SYN1: variants seen among roughly 807,000 people sequenced by gnomAD.
SYN1 encodes the protein synapsin-1.
SYN1 carries 8 observed loss-of-function variants against 44.6 expected under a neutral mutation model. The observed-to-expected ratio is 0.18, with a 90% CI of 0.11 to 0.32. The LOEUF is 0.32. SYN1 is among the 10% of genes least tolerant of loss of function. The pLI is 1.00. For missense variants in SYN1, 451 were observed against 639.4 expected (o/e 0.71, Z 3.18); for synonymous variants, 275 against 280.1 (o/e 0.98, Z 0.18).
In SYN1 at chrX:47,576,023, A is replaced by C. The variant is rs775307450; in HGVS notation, c.1158+108T>G. 3.6e-5 allele frequency: 29 copies of C among 802,991 alleles called. No homozygotes were observed. The Admixed American group carries it at 3.7e-4, about 10-fold the overall frequency. The allele number at this position is 802,991 out of a possible 1,213,427, so 66.2% of individuals were successfully genotyped here. A position where few individuals can be genotyped will look rare whatever the true frequency, so the allele number is the denominator to read the frequency against. ...TCAGGCACCTTACAGTGTACTAAGC[A>C]CATTGCTGTTGGCTGAGGACCTCTG... is the stretch of plus-strand genomic sequence containing the variant. On this transcript the variant is annotated intron_variant, in intron 9 of 12. Transcript: ENST00000295987.
intron 5 of SYN1, chrX:47,586,815 G>A: frequency 2.2e-6 from 2 of 925,387 alleles, no homozygotes; most frequent in Non-Finnish European, 2.9e-6. Flanking sequence ...TAGTGCCTGG[G>A]AACAAACCCA....
intron 5 of SYN1, among the ~76,000 whole-genome samples, chrX:47,578,881 C>G (rs758983783): frequency 2.9e-4 from 32 of 111,611 alleles, no homozygotes; most frequent in Non-Finnish European, 4.5e-4. Flanking sequence ...TGCACACCCC[C>G]CCTTCCTCAT....
chrX:47,598,566 G>A (rs1013565533), intron 5 of SYN1, among the ~76,000 whole-genome samples: 2 of 111,823 alleles, frequency 1.8e-5, no homozygotes, highest in Admixed American at 1.9e-4. Context: ...GGTGGCACAC[G>A]CCTGTAATCC....
chrX:47,602,312 T>A (rs1478720783), intron 5 of SYN1, among the ~76,000 whole-genome samples: 3 of 111,933 alleles, frequency 2.7e-5, no homozygotes, highest in Admixed American at 9.5e-5. Context: ...TGCTCTACTG[T>A]CTCTCAAAGA....
chrX:47,583,068 A>C, intron 5 of SYN1, among the ~76,000 whole-genome samples: 1 of 81,666 alleles, frequency 1.2e-5, no homozygotes, highest in African/African-American at 4.8e-5. Flanking sequence ...CCAGCCCCCA[A>C]TCCCAAATTC....
chrX:47,574,134 G>C lies in SYN1; in HGVS notation c.1850C>G (p.Thr617Ser). The C allele has an allele frequency of 9.1e-7, 1 of 1,093,374 alleles. No individual in the cohort carries two copies. Among genetic ancestry groups the C allele is most frequent in the East Asian group, 3.7e-5 (1 of 26,903 alleles). The allele number at this position is 1,093,374 out of a possible 1,213,427, so 90.1% of individuals were successfully genotyped here. The stretch of plus-strand genomic sequence containing the variant: ...GCCGCTGGGCCGAGGCTGCTGCGTG[G>C]TGGGTGGCCCAGTGCGGGGCACGGG... ...AGPVPRTGPP[T>S]TQQPRPSGPG... is the part of the protein sequence containing the mutation. Residue 617 changes from threonine to serine, a missense_variant, in exon 12 of 13, where the codon ACC becomes AGC. Around this residue, in one of 3 missense-constraint regions of SYN1, gnomAD observed 127 missense variants for 154.8 expected, o/e 0.82. Transcript: ENST00000295987.
chrX:47,597,719 A>G (rs182792925), intron 5 of SYN1, among the ~76,000 whole-genome samples: 1 of 112,234 alleles, frequency 8.9e-6, no homozygotes, highest in East Asian at 2.8e-4. Flanking sequence ...ATAAATTCAA[A>G]GAGATAGGCA....
chrX:47,619,751 T>C lies in SYN1; in HGVS notation c.-23A>G, dbSNP rs1300070259. On this transcript the variant is annotated 5_prime_UTR_variant, in exon 1 of 13. Transcript: ENST00000295987. ...CATGGCTGCGACTTGGGGCAGGGGGTCCTAGGGGTGGTCTGGCCAGGAGCC... is the reference window on the plus strand; with the variant it reads ...CATGGCTGCGACTTGGGGCAGGGGGCCCTAGGGGTGGTCTGGCCAGGAGCC... 8.7e-7 allele frequency: 1 copy of C among 1,155,802 alleles called. No homozygotes were observed. The highest frequency in any genetic ancestry group is 1.8e-5 in the African/African-American group (1 of 55,326).
chrX:47,606,812 G>T, intron 3 of SYN1, 133 bp downstream of exon 3: 1 of 604,942 alleles, frequency 1.7e-6, no homozygotes, highest in Non-Finnish European at 2.6e-6. Flanking sequence ...CTGAAGAAAA[G>T]TTGTCTCCCC....
intron 1 of SYN1, among the ~76,000 whole-genome samples, chrX:47,611,299 T>A (rs1051703306): frequency 8.9e-6 from 1 of 111,775 alleles, no homozygotes; most frequent in Non-Finnish European, 1.9e-5. Flanking sequence ...GCAGGGGTGT[T>A]GGTCTCATCT....
At chrX:47,617,170 G>T (rs1351006518) in intron 1 of SYN1, among the ~76,000 whole-genome samples, 2 of 111,318 alleles carry the variant, frequency 1.8e-5, no homozygotes, top group Non-Finnish European at 3.8e-5. Flanking sequence ...TGAATAAATT[G>T]CTCTGAATGG....
chrX:47,605,468 G>A (rs1431261534), intron 3 of SYN1, 89 bp from the exon 4 acceptor site: 2 of 1,092,754 alleles, frequency 1.8e-6, no homozygotes, highest in South Asian at 2.0e-5. Flanking sequence ...AATCTCCATA[G>A]CTCCCAGAAA....
At chrX:47,593,796 C>T (rs971507212) in intron 5 of SYN1, among the ~76,000 whole-genome samples, 2 of 112,124 alleles carry the variant, frequency 1.8e-5, no homozygotes, top group African/African-American at 6.5e-5. Flanking sequence ...TTGTTAACCT[C>T]TAATGGGGTC....
rs1282213095 is a variant in SYN1, at chrX:47,619,431, C to T, written c.298G>A (p.Gly100Ser). Residue 100 changes from glycine to serine, a missense_variant, in exon 1 of 13, where the codon GGC (glycine) becomes AGC (serine). Gly to Ser is a moderately conservative substitution (Grantham distance 56). Around this residue, in one of 3 missense-constraint regions of SYN1, gnomAD observed 315 missense variants for 451.4 expected, o/e 0.70. Coordinates refer to ENST00000295987, the MANE Select transcript of SYN1 (RefSeq NM_006950.3). ...CGGCCTGCGCCCCCAGAGCCGCCGC[C>T]CACCTGCTCGCTGAAGGTGGCAGCT... is the stretch of plus-strand genomic sequence containing the variant. ...AAAATFSEQV[G>S]GGSGGAGRGG... The T allele has an allele frequency of 1.7e-6, 2 of 1,191,464 alleles. No homozygotes were observed. Among genetic ancestry groups the T allele is most frequent in the Non-Finnish European group, 2.2e-6 (2 of 891,014 alleles).
At chrX:47,599,020 C>CA (rs937287257) in intron 5 of SYN1, among the ~76,000 whole-genome samples, 11 of 100,759 alleles carry the variant, frequency 1.1e-4, no homozygotes, top group South Asian at 4.3e-4. Flanking sequence ...GACCCTGTAT[C>CA]AAAAAAAAAT....
chrX:47,573,343 A>G (rs886565717), intron 12 of SYN1, among the ~76,000 whole-genome samples: 3 of 111,395 alleles, frequency 2.7e-5, no homozygotes, highest in Non-Finnish European at 5.7e-5. Flanking sequence ...GAAGATGAGC[A>G]GGGAAGTTTC....
chrX:47,613,598 C>T (rs990840655), intron 1 of SYN1, among the ~76,000 whole-genome samples: 1 of 111,758 alleles, frequency 8.9e-6, no homozygotes, highest in Admixed American at 9.5e-5. Context: ...GCTTACATAA[C>T]GTTTGATCCA....
Position 47,607,133 on chromosome X carries a change from C to CAACTTACCTG in SYN1, c.433_435+7dup, listed in dbSNP as rs760362460. On this transcript the variant is annotated splice_region_variant and intron_variant, in intron 2 of 12. Coordinates refer to ENST00000295987, the MANE Select transcript of SYN1 (RefSeq NM_006950.3). ...AACTGACCCCCAGGTCCAAATGTCC[C>CAACTTACCTG]AACTTACCTGTTCTACTTTAATGTC... 3 of 1,208,988 alleles carry CAACTTACCTG rather than the reference C, an allele frequency of 2.5e-6. No homozygotes were observed. The East Asian group carries it at 8.9e-5, about 36-fold the overall frequency.
In SYN1 at chrX:47,576,226, G is replaced by A. The variant is rs191822319; in HGVS notation, c.1063C>T (p.Leu355=). The part of the protein sequence containing the change: ...EQIAMSDRYK[L]WVDTCSEIFG... ...ATCTCTGAGCACGTGTCCACCCACA[G>A]CTTGTATCTGCCAAGACAAAGGGTG... Residue 355 remains leucine (L), a synonymous_variant, in exon 9 of 13, where the codon CTG becomes TTG. Transcript: ENST00000295987. The A allele has an allele frequency of 1.1e-4, 134 of 1,199,988 alleles. No individual in the cohort carries two copies. Among genetic ancestry groups the A allele is most frequent in the Middle Eastern group, 9.2e-4 (4 of 4,343 alleles).
Sources: allele counts gnomAD v4.1 joint callset (sites outside exome capture counted in the v4.1 genomes callset), GRCh38; gene constraint gnomAD v4.1.1; regional missense constraint gnomAD v4.1.1; transcripts MANE v1.5; gene names NCBI Gene and HGNC (gene_info 2026-07-23, HGNC 2026-07-21).